The following RABL2B variants were observed in gnomAD, a reference collection of about 807,000 sequenced individuals.
The protein encoded by RABL2B is RAB, member of RAS oncogene family like 2B.
In RABL2B, 17 loss-of-function variants were observed where a neutral mutation model predicts 26.7. The observed-to-expected ratio is 0.64, with a 90% CI of 0.44 to 0.95. The LOEUF is 0.95. Ranked by LOEUF, RABL2B falls within the 40% of genes least tolerant of loss-of-function variation. RABL2B has a pLI of 0.00. For synonymous variants in RABL2B, 70 were observed against 103.9 expected, an observed-to-expected ratio of 0.67 and a Z score of 1.99; for missense variants, 170 against 277.2, an observed-to-expected ratio of 0.61 and a Z score of 2.75.
chr22:50,778,718 G>C (rs1250139018), intron 2 of RABL2B, among the ~76,000 whole-genome samples: 2 of 140,054 alleles, frequency 1.4e-5, no homozygotes, highest in Non-Finnish European at 3.1e-5. Context: ...TATCTGCAAG[G>C]CTTACTCCTT....
At chr22:50,770,251 C>G (rs2083941072) in intron 5 of RABL2B, 1 of 509,946 alleles carries the variant, frequency 2.0e-6, no homozygotes, top group African/African-American at 2.0e-5. Context: ...TGCAGTGGCT[C>G]ACACCTGTAA....
intron 6 of RABL2B, 149 bp downstream of exon 6, chr22:50,769,756 A>G: frequency 1.2e-6 from 1 of 867,856 alleles, no homozygotes; most frequent in Non-Finnish European, 1.8e-6. Context: ...ATAAGGTGGG[A>G]AGAATGCAAG....
intron 2 of RABL2B, among the ~76,000 whole-genome samples, chr22:50,779,250 A>G (rs190630483): frequency 6.6e-6 from 1 of 151,866 alleles, no homozygotes; most frequent in Non-Finnish European, 1.5e-5. Flanking sequence ...CCCTCCCAAC[A>G]TTCTGCAGCT....
At chr22:50,771,790 T>C (rs2084225691) in intron 5 of RABL2B, 1 of 151,624 alleles carries the variant, frequency 6.6e-6, no homozygotes, top group Admixed American at 6.6e-5. Context: ...GTTTATTTTT[T>C]GTAGAGATAA....
At chr22:50,777,135 A>G (rs2085110982) in intron 3 of RABL2B, among the ~76,000 whole-genome samples, 1 of 152,234 alleles carries the variant, frequency 6.6e-6, no homozygotes, top group Admixed American at 6.5e-5. Context: ...CAACATGACC[A>G]TTCCAGGGAC....
Position 50,767,644 on chromosome 22 carries a change from A to AT in RABL2B, c.*1131dup, listed in dbSNP as rs2083603403. 8.0e-6 allele frequency: 3 copies of AT among 375,876 alleles called. No individual in the cohort carries two copies. Among genetic ancestry groups the AT allele is most frequent in the Non-Finnish European group, 1.5e-5 (3 of 194,294 alleles). 23.3% of individuals were successfully genotyped at this position (375,876 alleles called of 1,614,324 possible). A position where few individuals can be genotyped will look rare whatever the true frequency, so the allele number is the denominator to read the frequency against. On this transcript the variant is annotated 3_prime_UTR_variant, in exon 9 of 9. Transcript: ENST00000691320. ...AAGTACCAGAGAGGGGTGAACAGGC[A>AT]TATCTGCTAGCTCTCCTCTTGCAGT...
intron 2 of RABL2B, among the ~76,000 whole-genome samples, chr22:50,779,923 G>A (rs2085538454): frequency 6.6e-6 from 1 of 152,194 alleles, no homozygotes; most frequent in South Asian, 2.1e-4. Flanking sequence ...GGAGGTTGCA[G>A]TGAGCCGAGA....
chr22:50,779,097 G>C (rs2085412698), intron 2 of RABL2B, among the ~76,000 whole-genome samples: 1 of 150,958 alleles, frequency 6.6e-6, no homozygotes, highest in Non-Finnish European at 1.5e-5. Context: ...AGTGCAGGAG[G>C]AAGAGGAGAG....
chr22:50,782,551 A>C (rs1243392734), intron 1 of RABL2B, among the ~76,000 whole-genome samples: 8 of 151,854 alleles, frequency 5.3e-5, no homozygotes, highest in Non-Finnish European at 8.8e-5. Flanking sequence ...GCGCACCCCA[A>C]ATGCTGCTCC....
intron 5 of RABL2B, 166 bp from the exon 6 acceptor site, chr22:50,770,182 G>GTTAGGGTTAGGGTT: frequency 1.1e-6 from 1 of 938,784 alleles, no homozygotes; most frequent in Non-Finnish European, 1.6e-6. Flanking sequence ...GTTTCTCAGG[G>GTTAGGGTTAGGGTT]AAGCCCCCTG....
intron 4 of RABL2B, among the ~76,000 whole-genome samples, chr22:50,776,404 A>C (rs1372186967): frequency 2.0e-5 from 3 of 152,354 alleles, no homozygotes; most frequent in South Asian, 2.1e-4. Flanking sequence ...AGGTGGGTAC[A>C]GCCCCCTGAC....
chr22:50,777,288 G>C (rs2085138462), intron 3 of RABL2B, among the ~76,000 whole-genome samples: 1 of 152,120 alleles, frequency 6.6e-6, no homozygotes, highest in Non-Finnish European at 1.5e-5. Context: ...AAAAAGCAGA[G>C]CCAAATGACG....
At chr22:50,773,249 T>C in intron 5 of RABL2B, 1 of 1,282,594 alleles carries the variant, frequency 7.8e-7, no homozygotes, top group South Asian at 1.3e-5. Context: ...TGCCCCATCA[T>C]CCTCTTGTTT....
rs1350722032 is a variant in RABL2B at position 50,776,655 on chromosome 22, C to G, written c.217+15G>C. On this transcript the variant is annotated intron_variant, in intron 4 of 8. Coordinates refer to ENST00000691320, the MANE Select transcript of RABL2B (RefSeq NM_001130919.3). ...TTTCCTGAGGGTCAGCATGTCTTGG[C>G]CCTGTGCCACTTACCCACAAGGATG... is the stretch of plus-strand genomic sequence containing the variant. 1 of 1,598,800 alleles carries G rather than the reference C, an allele frequency of 6.3e-7. No homozygotes were observed. Among genetic ancestry groups the G allele is most frequent in the Non-Finnish European group, 8.5e-7 (1 of 1,172,368 alleles).
chr22:50,772,593 G>C, intron 5 of RABL2B: 1 of 1,001,100 alleles, frequency 1.0e-6, no homozygotes, highest in South Asian at 4.3e-5. Flanking sequence ...CACGGTTCAA[G>C]CTCAGGGCTA....
chr22:50,781,029 G>T (rs1555928388), intron 2 of RABL2B, among the ~76,000 whole-genome samples: 2 of 152,026 alleles, frequency 1.3e-5, no homozygotes, highest in African/African-American at 4.8e-5. Context: ...GTTGAGGATG[G>T]TCAAAGTAAC....
At chr22:50,771,330 G>A (rs2084138842) in intron 5 of RABL2B, 2 of 151,048 alleles carry the variant, frequency 1.3e-5, no homozygotes, top group Non-Finnish European at 2.9e-5. Flanking sequence ...GAGTGCAGTG[G>A]CGCTATCTTG....
rs142252693 is a variant in RABL2B, at chr22:50,768,248, A to G, written c.*528T>C. On this transcript the variant is annotated 3_prime_UTR_variant, in exon 9 of 9. Coordinates refer to ENST00000691320, the MANE Select transcript of RABL2B (RefSeq NM_001130919.3). ...AGCGAGACTCCGTCTCAGAACGAACAAAGAAACAAACAAACCAGATGACTG... is the reference window on the plus strand; with the variant it reads ...AGCGAGACTCCGTCTCAGAACGAACGAAGAAACAAACAAACCAGATGACTG... 1 of 214,544 alleles carries G rather than the reference A, an allele frequency of 4.7e-6. No homozygotes were observed. Among genetic ancestry groups the G allele is most frequent in the African/African-American group, 2.4e-5 (1 of 42,130 alleles). The allele number at this position is 214,544 out of a possible 1,614,324, so 13.3% of individuals were successfully genotyped here.
intron 2 of RABL2B, among the ~76,000 whole-genome samples, chr22:50,778,438 C>T (rs2085317859): frequency 6.6e-6 from 1 of 151,744 alleles, no homozygotes; most frequent in African/African-American, 2.4e-5. Flanking sequence ...AAAAAATTAG[C>T]CAGGTGTGGC....
Sources: allele counts gnomAD v4.1 joint callset (sites outside exome capture counted in the v4.1 genomes callset), GRCh38; gene constraint gnomAD v4.1.1; transcripts MANE v1.5; gene names NCBI Gene and HGNC (gene_info 2026-07-23, HGNC 2026-07-21).